MYO9B: variants seen among roughly 807,000 people sequenced by gnomAD.
The protein encoded by MYO9B is unconventional myosin-IXb.
MYO9B carries 71 observed loss-of-function variants against 229.5 expected under a neutral mutation model. The ratio of observed to expected loss-of-function variants is 0.31; its 90% CI spans 0.26 to 0.38. The LOEUF is 0.38. MYO9B is among the 10% of genes least tolerant of loss of function. The pLI, the probability that MYO9B is intolerant of heterozygous loss-of-function variation, is 1.00. For synonymous variants in MYO9B, 1,185 were observed against 1,235.8 expected, an observed-to-expected ratio of 0.96 and a Z score of 0.86; for missense variants, 2,255 against 2,920.5, an observed-to-expected ratio of 0.77 and a Z score of 5.25.
chr19:17,101,554 A>C lies in MYO9B; in HGVS notation c.-58-106A>C. 8.7e-7 allele frequency: 1 copy of C among 1,145,252 alleles called. No individual in the cohort carries two copies. The allele number at this position is 1,145,252 out of a possible 1,614,324, so 70.9% of individuals were successfully genotyped here. On this transcript the variant is annotated intron_variant, in intron 1 of 39. Transcript: ENST00000682292. This position sits in a 1 kb window ranked among gnomAD's most constrained non-coding sequence, Gnocchi z 4.7. ...TTGGGCGAGCCTAGTCGGGTGGGGA[A>C]CTCCAGCATCGGGTCAGGTGCTATC...
chr19:17,197,206 G>A (rs1223918524), intron 22 of MYO9B, among the ~76,000 whole-genome samples: 1 of 150,976 alleles, frequency 6.6e-6, no homozygotes, highest in Non-Finnish European at 1.5e-5. Flanking sequence ...GAACCTGGGA[G>A]GCAGAGGTTG....
At chr19:17,079,678 G>A (rs1317513771) in intron 1 of MYO9B, among the ~76,000 whole-genome samples, 1 of 152,066 alleles carries the variant, frequency 6.6e-6, no homozygotes, top group Non-Finnish European at 1.5e-5. Context: ...TGACTTTGCT[G>A]CTTTACCTTG....
intron 2 of MYO9B, among the ~76,000 whole-genome samples, chr19:17,134,301 C>G (rs2072239282): frequency 6.8e-6 from 1 of 147,660 alleles, no homozygotes; most frequent in African/African-American, 2.5e-5. Flanking sequence ...CTGTGCCTGG[C>G]TTATTAACAT....
At chr19:17,086,436 A>G (rs2057584099) in intron 1 of MYO9B, among the ~76,000 whole-genome samples, 1 of 152,098 alleles carries the variant, frequency 6.6e-6, no homozygotes, top group Non-Finnish European at 1.5e-5. Context: ...ACAGGTTCCT[A>G]TCCCCAGCTT....
intron 2 of MYO9B, among the ~76,000 whole-genome samples, chr19:17,128,823 T>C (rs2072157601): frequency 6.6e-6 from 1 of 152,174 alleles, no homozygotes; most frequent in Admixed American, 6.5e-5. Flanking sequence ...CATGTGGTGG[T>C]CTCCACCTTA....
At chr19:17,136,995 C>T (rs1343760964) in intron 2 of MYO9B, among the ~76,000 whole-genome samples, 4 of 152,076 alleles carry the variant, frequency 2.6e-5, no homozygotes, top group Non-Finnish European at 5.9e-5. Flanking sequence ...TTTGGGAAGC[C>T]GAGGCGGGCA....
At chr19:17,137,872 T>C (rs1427982379) in intron 2 of MYO9B, among the ~76,000 whole-genome samples, 1 of 150,456 alleles carries the variant, frequency 6.6e-6, no homozygotes, top group African/African-American at 2.5e-5. Context: ...CCAAAGTAAC[T>C]GGAACTACAG....
At chr19:17,211,535 G>A (rs2073229162) in intron 38 of MYO9B, 112 bp from the exon 39 acceptor site, 2 of 991,918 alleles carry the variant, frequency 2.0e-6, no homozygotes, top group Non-Finnish European at 2.9e-6. Context: ...TGGGGTGGGG[G>A]GAGGTTGGGG....
chr19:17,128,671 G>A (rs2072155702), intron 2 of MYO9B, among the ~76,000 whole-genome samples: 1 of 152,256 alleles, frequency 6.6e-6, no homozygotes, highest in African/African-American at 2.4e-5. Flanking sequence ...TCTGACTGCT[G>A]TCAGTGTCCC....
chr19:17,092,866 C>A (rs138950730), intron 1 of MYO9B, among the ~76,000 whole-genome samples: 126 of 152,022 alleles, frequency 8.3e-4, no homozygotes, highest in Admixed American at 1.3e-3. Flanking sequence ...CATGTGTGTG[C>A]TGTGTTTATA....
rs2073027340 is a variant in MYO9B, at chr19:17,195,108, T to G, written c.3681T>G (p.Val1227=). The G allele has an allele frequency of 6.2e-7, 1 of 1,612,234 alleles. No individual in the cohort carries two copies. Among genetic ancestry groups the G allele is most frequent in the Admixed American group, 1.7e-5 (1 of 59,938 alleles). The change falls in exon 22 of 40, where the codon GTT becomes GTG. Residue 1227 remains valine, a synonymous_variant. Coordinates refer to ENST00000682292, the MANE Select transcript of MYO9B (RefSeq NM_004145.4). The surrounding 1 kb of genome is among the most constrained non-coding windows in gnomAD (Gnocchi z 4.5). ...QPTEQPQAMA[V]GKVSEETEKT... ...CAGAGCAACCCCAGGCCATGGCAGT[T>G]GGCAAGGTCTCTGAAGAAACTGAGA...
chr19:17,203,367 C>A, intron 30 of MYO9B, 109 bp downstream of exon 30: 2 of 788,248 alleles, frequency 2.5e-6, no homozygotes, highest in Admixed American at 2.8e-5. Context: ...GTAATCCCAG[C>A]ACTTTGGGAG....
In MYO9B at chr19:17,172,620, G is replaced by A. The variant is rs1221879743; in HGVS notation, c.1936-139G>A. 11 of 1,455,048 alleles carry A rather than the reference G, an allele frequency of 7.6e-6. No individual in the cohort carries two copies. Among genetic ancestry groups the A allele is most frequent in the East Asian group, 4.7e-5 (2 of 42,148 alleles). The allele number at this position is 1,455,048 out of a possible 1,614,324, so 90.1% of individuals were successfully genotyped here. On this transcript the variant is annotated intron_variant, in intron 12 of 39. Transcript: ENST00000682292. The surrounding 1 kb of genome is among the most constrained non-coding windows in gnomAD (Gnocchi z 8.2). ...AATCCCCGGCTCCAATGTCCAAGGC[G>A]CCATAGTTCAAGAACTGCCATTTGC...
In MYO9B at chr19:17,172,950, C is replaced by T. The variant is rs559495498; in HGVS notation, c.2127C>T (p.Ala709=). ...REAGRLRAER[A]EKAAGMSSPG... ...CCGGACGCCTGCGGGCCGAGAGGGC[C>T]GAAAAGGCTGCAGGTGGGAGCTGGG... Residue 709 remains alanine, a synonymous_variant, in exon 13 of 40, where the codon GCC becomes GCT. Coordinates refer to ENST00000682292, the MANE Select transcript of MYO9B (RefSeq NM_004145.4). This position sits in a 1 kb window ranked among gnomAD's most constrained non-coding sequence, Gnocchi z 8.2. 125 of 1,597,964 alleles carry T rather than the reference C, an allele frequency of 7.8e-5. 2 individuals carry two copies. The South Asian group carries it at 1.2e-3, about 15-fold the overall frequency.
rs2072887837 is a variant in MYO9B, at chr19:17,183,853, G to A, written c.2358G>A (p.Lys786=). Residue 786 remains lysine (K), a synonymous_variant, in exon 16 of 40, where the codon AAG becomes AAA. Coordinates refer to ENST00000682292, the MANE Select transcript of MYO9B (RefSeq NM_004145.4). ...GGAAAAGTAAAGGTATCAAACAAAAGCAGATCATTCCAAAGGTAAAAAAAA... is the reference window on the plus strand; with the variant it reads ...GGAAAAGTAAAGGTATCAAACAAAAACAGATCATTCCAAAGGTAAAAAAAA... ...FILKSKGIKQ[K]QIIPKNLLDS... is the part of the protein sequence containing the mutation. 6.3e-7 allele frequency: 1 copy of A among 1,576,268 alleles called. No individual in the cohort carries two copies. Among genetic ancestry groups the A allele is most frequent in the Non-Finnish European group, 8.6e-7 (1 of 1,164,074 alleles).
chr19:17,133,141 C>T (rs1034197194), intron 2 of MYO9B, among the ~76,000 whole-genome samples: 8 of 151,920 alleles, frequency 5.3e-5, no homozygotes, highest in East Asian at 1.9e-4. Context: ...CCACTGCGCC[C>T]GGCCTATTTT....
intron 20 of MYO9B, among the ~76,000 whole-genome samples, chr19:17,191,702 G>A (rs1348654140): frequency 1.3e-5 from 2 of 152,144 alleles, no homozygotes; most frequent in South Asian, 2.1e-4. Context: ...CCAGCCAAGC[G>A]AGGTGGCATG....
chr19:17,153,760 C>T (rs949615421), intron 4 of MYO9B, among the ~76,000 whole-genome samples: 8 of 151,924 alleles, frequency 5.3e-5, no homozygotes, highest in Non-Finnish European at 1.2e-4. Context: ...TGTACACCCA[C>T]CCACCTCCAA....
At chr19:17,150,292 C>CA (rs2072462506) in intron 3 of MYO9B, among the ~76,000 whole-genome samples, 1 of 152,056 alleles carries the variant, frequency 6.6e-6, no homozygotes, top group Non-Finnish European at 1.5e-5. Flanking sequence ...CCTATAATCC[C>CA]AGCTACTCGG....
Sources: gnomAD v4.1 joint callset for allele counts (sites outside exome capture counted in the v4.1 genomes callset) on GRCh38, gnomAD v4.1.1 for gene constraint, Gnocchi (gnomAD v3.1) non-coding constraint, MANE v1.5 for transcripts, NCBI Gene and HGNC (gene_info 2026-07-23, HGNC 2026-07-21) for gene names.